The following IGFBP5 variants were observed in gnomAD, a reference collection of about 807,000 sequenced individuals.
The protein encoded by IGFBP5 is insulin like growth factor binding protein 5.
IGFBP5 carries 12 observed loss-of-function variants against 28.0 expected under a neutral mutation model. The ratio of observed to expected loss-of-function variants is 0.43; its 90% CI spans 0.27 to 0.69. IGFBP5 has a LOEUF of 0.69. IGFBP5 is among the 30% of genes least tolerant of loss of function. The pLI, the probability that IGFBP5 is intolerant of heterozygous loss-of-function variation, is 0.20. For synonymous variants in IGFBP5, 152 were observed against 150.2 expected (o/e 1.01, Z -0.09); for missense variants, 344 against 381.6 (o/e 0.90, Z 0.82).
intron 2 of IGFBP5, 107 bp from the exon 3 acceptor site, chr2:216,678,338 T>C: frequency 2.5e-6 from 3 of 1,202,174 alleles, no homozygotes; most frequent in Non-Finnish European, 3.3e-6. Flanking sequence ...TGGAGGAAAG[T>C]CACCACCTTT....
chr2:216,685,633 C>G (rs1689025700), intron 1 of IGFBP5, among the ~76,000 whole-genome samples: 1 of 152,184 alleles, frequency 6.6e-6, no homozygotes, highest in African/African-American at 2.4e-5. Context: ...TGGCTGTTCA[C>G]TGTTTGAAAA....
intron 1 of IGFBP5, among the ~76,000 whole-genome samples, chr2:216,687,901 G>A (rs952508149): frequency 6.6e-6 from 1 of 152,196 alleles, no homozygotes; most frequent in African/African-American, 2.4e-5. Context: ...CGAAGAAGGT[G>A]CCCAGGCTCT....
rs1688891037 is a variant in IGFBP5, at chr2:216,675,852, T to C, written c.*899A>G. The C allele has an allele frequency of 1.3e-5, 2 of 152,058 alleles. No individual in the cohort carries two copies. Among genetic ancestry groups the C allele is most frequent in the African/African-American group, 2.4e-5 (1 of 41,366 alleles). The allele number at this position is 152,058 out of a possible 1,614,324, so 9.4% of individuals were successfully genotyped here. A position where few individuals can be genotyped will look rare whatever the true frequency, so the allele number is the denominator to read the frequency against. ...GCCTATCCTCCCCCACAGAGGCTGC[T>C]GCGCTACTTACAAATTGAATTAAAT... On this transcript the variant is annotated 3_prime_UTR_variant, in exon 4 of 4. Coordinates refer to ENST00000233813, the MANE Select transcript of IGFBP5 (RefSeq NM_000599.4).
chr2:216,678,981 C>A lies in IGFBP5; in HGVS notation c.436G>T (p.Glu146Ter). 6.2e-7 allele frequency: 1 copy of A among 1,614,082 alleles called. No individual in the cohort carries two copies. The highest frequency in any genetic ancestry group is 1.6e-4 in the Middle Eastern group (1 of 6,062). ...IFRPKHTRIS[E>*]LKAEAVKKDR... The stretch of plus-strand genomic sequence containing the variant: ...TTCTTCACTGCTTCAGCCTTCAGCT[C>A]GGAGATGCGGGTGTGTTTGGGCCGG... Residue 146 changes from glutamate (E) to a stop codon, truncating the protein, a stop_gained, in exon 2 of 4, where the codon GAG (glutamate) becomes TAG (stop). Coordinates refer to ENST00000233813, the MANE Select transcript of IGFBP5 (RefSeq NM_000599.4). LOFTEE classifies it high-confidence loss of function.
chr2:216,693,698 C>A (rs903719027), intron 1 of IGFBP5, among the ~76,000 whole-genome samples: 3 of 152,094 alleles, frequency 2.0e-5, no homozygotes, highest in Non-Finnish European at 4.4e-5. Flanking sequence ...ACCCCGCACC[C>A]CCGCACTCCT....
intron 1 of IGFBP5, among the ~76,000 whole-genome samples, chr2:216,686,408 A>G (rs1393837647): frequency 6.6e-6 from 1 of 152,180 alleles, no homozygotes; most frequent in Non-Finnish European, 1.5e-5. Flanking sequence ...ACAATAGCTC[A>G]GTAAACCTTG....
At position 216,694,758 on chromosome 2, in the gene IGFBP5, C is replaced by T. The variant is rs191919473; in HGVS notation, c.18G>A (p.Ala6=). The T allele has an allele frequency of 3.2e-5, 46 of 1,426,826 alleles. No individual in the cohort carries two copies. In the East Asian group the frequency reaches 1.2e-3, roughly 37 times the overall value. The allele number at this position is 1,426,826 out of a possible 1,614,324, so 88.4% of individuals were successfully genotyped here. Residue 6 remains alanine, a synonymous_variant, in exon 1 of 4, where the codon GCG becomes GCA. Transcript: ENST00000233813. This position sits in a 1 kb window ranked among gnomAD's most constrained non-coding sequence, Gnocchi z 5.2. MVLLT[A]VLLLLAAYAG... is the part of the protein sequence containing the mutation. ...CATAGGCGGCCAGCAGCAGGAGGACCGCGGTGAGCAACACCATCTTCTCTT... is the reference window on the plus strand; with the variant it reads ...CATAGGCGGCCAGCAGCAGGAGGACTGCGGTGAGCAACACCATCTTCTCTT...
At chr2:216,681,907 GTTTGA>G (rs1688981557) in intron 1 of IGFBP5, among the ~76,000 whole-genome samples, 1 of 152,184 alleles carries the variant, frequency 6.6e-6, no homozygotes, top group African/African-American at 2.4e-5. Flanking sequence ...GTTGACAACG[GTTTGA>G]TAAACCTTGG....
Position 216,694,493 on chromosome 2 carries a change from GCA to G in IGFBP5, c.281_282del (p.Leu94ProfsTer24). The part of the protein sequence containing the change: ...QDEEKPLHAL[L>X]HGRGVCLNEK... The stretch of plus-strand genomic sequence containing the variant: ...TCGTTGAGGCAAACCCCGCGGCCGT[GCA>G]GCAGGGCGTGCAGCGGCTTCTCCTC... On this transcript the variant is annotated frameshift_variant, in exon 1 of 4. Coordinates refer to ENST00000233813, the MANE Select transcript of IGFBP5 (RefSeq NM_000599.4). LOFTEE classifies it high-confidence loss of function. The surrounding 1 kb of genome is among the most constrained non-coding windows in gnomAD (Gnocchi z 5.2). The G allele has an allele frequency of 6.3e-7, 1 of 1,590,688 alleles. No individual in the cohort carries two copies. Among genetic ancestry groups the G allele is most frequent in the Non-Finnish European group, 8.5e-7 (1 of 1,171,916 alleles).
At position 216,695,003 on chromosome 2, in the gene IGFBP5, A is replaced by ATG. The variant is rs1689151807; in HGVS notation, c.-229_-228insCA. The ATG allele has an allele frequency of 2.6e-6, 1 of 377,726 alleles. No individual in the cohort carries two copies. The highest frequency in any genetic ancestry group is 4.5e-5 in the Admixed American group (1 of 22,228). The allele number at this position is 377,726 out of a possible 1,614,324, so 23.4% of individuals were successfully genotyped here. ...GTTGCAAGAATTAAAGCCTTGCAAC[A>ATG]GGTTGGGGGAAGCAGGGCAGCGCCA... On this transcript the variant is annotated 5_prime_UTR_variant, in exon 1 of 4. It adds an upstream start codon to the 5' untranslated region. Transcript: ENST00000233813.
chr2:216,679,331 G>T lies in IGFBP5; in HGVS notation c.338-252C>A. 1.9e-6 allele frequency: 1 copy of T among 539,302 alleles called. No homozygotes were observed. The highest frequency in any genetic ancestry group is 3.4e-6 in the Non-Finnish European group (1 of 295,654). The allele number at this position is 539,302 out of a possible 1,614,324, so 33.4% of individuals were successfully genotyped here. ...GCAGGCAGGGAGGCTTCACAGAGGA[G>T]GAGAATCGAGAGACTGACAGACTGA... On this transcript the variant is annotated intron_variant, in intron 1 of 3. Transcript: ENST00000233813. The surrounding 1 kb of genome is among the most constrained non-coding windows in gnomAD (Gnocchi z 4.6).
intron 1 of IGFBP5, among the ~76,000 whole-genome samples, chr2:216,682,714 G>GA (rs1553550975): frequency 7.0e-6 from 1 of 143,248 alleles, no homozygotes; most frequent in Non-Finnish European, 1.5e-5. Context: ...AGCGTTTTTT[G>GA]TTTTTTTTTT....
Position 216,678,171 on chromosome 2 carries a change from C to A in IGFBP5, c.628G>T (p.Val210Leu). The change falls in exon 3 of 4, where the codon GTG becomes TTG. Residue 210 changes from valine (V) to leucine (L), a missense_variant. Val to Leu is a conservative substitution (Grantham distance 32). Around this residue, in one of 3 missense-constraint regions of IGFBP5, gnomAD observed 304 missense variants for 329.2 expected, o/e 0.92. Coordinates refer to ENST00000233813, the MANE Select transcript of IGFBP5 (RefSeq NM_000599.4). The part of the protein sequence containing the change: ...LQELKASPRM[V>L]PRAVYLPNCD... ...TTGGGCAGGTACACAGCACGGGGCA[C>A]CATGCGTGGGCTGGCTTTGAGCTCC... 2 of 1,596,094 alleles carry A rather than the reference C, an allele frequency of 1.3e-6. No homozygotes were observed. Among genetic ancestry groups the A allele is most frequent in the Non-Finnish European group, 1.7e-6 (2 of 1,169,012 alleles).
In IGFBP5 at chr2:216,676,888, G is replaced by A. The variant is rs376410620; in HGVS notation, c.688-6C>T. On this transcript the variant is annotated splice_region_variant and splice_polypyrimidine_tract_variant and intron_variant, in intron 3 of 3. Coordinates refer to ENST00000233813, the MANE Select transcript of IGFBP5 (RefSeq NM_000599.4). ...CGGCCACGGGAAGGTTTGCACTGGG[G>A]TGAGTAGAGCAACAGGCGGTGAGGA... 18 of 1,613,696 alleles carry A rather than the reference G, an allele frequency of 1.1e-5. No individual in the cohort carries two copies. Among genetic ancestry groups the A allele is most frequent in the African/African-American group, 4.0e-5 (3 of 74,904 alleles).
intron 1 of IGFBP5, among the ~76,000 whole-genome samples, chr2:216,689,755 C>T (rs1431350188): frequency 6.6e-6 from 1 of 152,210 alleles, no homozygotes; most frequent in Admixed American, 6.5e-5. Flanking sequence ...AGGACCTTGA[C>T]TGTGATGATG....
intron 3 of IGFBP5, 138 bp downstream of exon 3, chr2:216,677,974 A>G: frequency 2.9e-6 from 2 of 693,846 alleles, no homozygotes; most frequent in Non-Finnish European, 4.4e-6. Flanking sequence ...TGATCGTGGT[A>G]TATGAATGGG....
chr2:216,678,254 G>A, intron 2 of IGFBP5, 23 bp from the exon 3 acceptor site: 2 of 1,504,416 alleles, frequency 1.3e-6, no homozygotes, highest in South Asian at 2.7e-5. Context: ...GAGGGTGAGA[G>A]GCGTGGCGAG....
chr2:216,676,470 G>T lies in IGFBP5; in HGVS notation c.*281C>A. ...CACTTCCTTCCCTTCTCTTCCTCTCGTTCTTCCTCTCTTCCCTTCTCTGTT... is the reference window on the plus strand; with the variant it reads ...CACTTCCTTCCCTTCTCTTCCTCTCTTTCTTCCTCTCTTCCCTTCTCTGTT... On this transcript the variant is annotated 3_prime_UTR_variant, in exon 4 of 4. Transcript: ENST00000233813. The T allele has an allele frequency of 9.1e-6, 2 of 220,672 alleles. No homozygotes were observed. The highest frequency in any genetic ancestry group is 1.3e-4 in the East Asian group (1 of 7,630). 13.7% of individuals were successfully genotyped at this position (220,672 alleles called of 1,614,324 possible).
Position 216,692,775 on chromosome 2 carries a change from A to G in IGFBP5, c.337+1664T>C, listed in dbSNP as rs1056611433. On this transcript the variant is annotated intron_variant, in intron 1 of 3. Coordinates refer to ENST00000233813, the MANE Select transcript of IGFBP5 (RefSeq NM_000599.4). The surrounding 1 kb of genome is among the most constrained non-coding windows in gnomAD (Gnocchi z 4.2). ...TTTGCAGGCTGCAACCTGCAAAAAG[A>G]TCGACTTTTTGCAGGTTTGGAGATC... Among the ~76,000 whole-genome samples, 1 of 151,896 alleles carries G rather than the reference A, an allele frequency of 6.6e-6. No homozygotes were observed. The highest frequency in any genetic ancestry group is 2.4e-5 in the African/African-American group (1 of 41,378).
Sources: allele counts gnomAD v4.1 joint callset (sites outside exome capture counted in the v4.1 genomes callset), GRCh38; gene constraint gnomAD v4.1.1; regional missense constraint gnomAD v4.1.1; non-coding constraint Gnocchi (gnomAD v3.1); transcripts MANE v1.5; gene names NCBI Gene and HGNC (gene_info 2026-07-23, HGNC 2026-07-21).